The following SOX5 variants were observed in gnomAD, a reference collection of about 807,000 sequenced individuals.
SOX5 encodes the protein SRY-box transcription factor 5.
SOX5 carries 9 observed loss-of-function variants against 92.0 expected under a neutral mutation model. The ratio of observed to expected loss-of-function variants is 0.10; its 90% CI spans 0.06 to 0.17. The LOEUF (loss-of-function observed/expected upper bound fraction) is 0.17. Among genes scored for constraint, SOX5 ranks in the 10% least tolerant of loss-of-function variants. The probability of loss-of-function intolerance (pLI) is 1.00; values close to 1 mark genes in which losing one functional copy is unlikely to be tolerated. For synonymous variants in SOX5, 344 were observed against 336.3 expected (o/e 1.02, Z -0.25); for missense variants, 642 against 944.5 (o/e 0.68, Z 4.20).
intron 4 of SOX5, among the ~76,000 whole-genome samples, chr12:24,201,179 A>C (rs1957479873): frequency 6.6e-6 from 1 of 152,154 alleles, no homozygotes; most frequent in Non-Finnish European, 1.5e-5. Flanking sequence ...TTTCATACTG[A>C]TGCTTCTTAT....
intron 6 of SOX5, among the ~76,000 whole-genome samples, chr12:23,733,501 G>A (rs938570248): frequency 6.6e-6 from 1 of 152,068 alleles, no homozygotes; most frequent in African/African-American, 2.4e-5. Context: ...GAGGGGAAAT[G>A]TCCTCGGCTG....
Position 24,558,047 on chromosome 12 carries a change from T to C in SOX5, c.-251+4282A>G, listed in dbSNP as rs114429253. The stretch of plus-strand genomic sequence containing the variant: ...AAAAAGTCCTCATGCATGTAAATAT[T>C]TCCTCCTGGCAGCTTTCCTTGATAC... On this transcript the variant is annotated intron_variant, in intron 1 of 4. Coordinates refer to the SOX5 transcript ENST00000446891. Among the ~76,000 whole-genome samples, 1,502 of 152,328 alleles carry C rather than the reference T, an allele frequency of 9.9e-3. 21 individuals are homozygous for C. The highest frequency in any genetic ancestry group is 0.048 in the Middle Eastern group (14 of 294).
chr12:23,549,994 G>A (rs566292613), intron 11 of SOX5, among the ~76,000 whole-genome samples: 4 of 152,068 alleles, frequency 2.6e-5, no homozygotes, highest in East Asian at 1.9e-4. Flanking sequence ...TATTATTAAC[G>A]TATTAGTATT....
chr12:24,463,543 A>G (rs1943881114), intron 1 of SOX5, among the ~76,000 whole-genome samples: 1 of 152,222 alleles, frequency 6.6e-6, no homozygotes, highest in African/African-American at 2.4e-5. Context: ...TTATCTAACT[A>G]ATAAACCTGT....
In SOX5 at chr12:23,664,713, C is replaced by T. The variant is rs2083538488; in HGVS notation, c.931+731G>A. Among the ~76,000 whole-genome samples the T allele has an allele frequency of 2.6e-5, 4 of 152,228 alleles. No homozygotes were observed. The South Asian group carries it at 8.3e-4, about 32-fold the overall frequency. ...TATAAACAGTTATCCTAGTATATCACGTAGCTCCAAAAATGTCTTCTATAT... is the reference window on the plus strand; with the variant it reads ...TATAAACAGTTATCCTAGTATATCATGTAGCTCCAAAAATGTCTTCTATAT... On this transcript the variant is annotated intron_variant, in intron 7 of 14. Coordinates refer to ENST00000451604, the MANE Select transcript of SOX5 (RefSeq NM_006940.6).
At chr12:23,943,765 G>A (rs1944080312) in intron 1 of SOX5, among the ~76,000 whole-genome samples, 1 of 152,058 alleles carries the variant, frequency 6.6e-6, no homozygotes, top group African/African-American at 2.4e-5. Context: ...GTTTGACACT[G>A]ATTTCAAATG....
intron 4 of SOX5, among the ~76,000 whole-genome samples, chr12:24,065,986 C>T (rs1205764375): frequency 1.3e-5 from 2 of 152,066 alleles, no homozygotes; most frequent in Non-Finnish European, 2.9e-5. Flanking sequence ...GCTTGTTCAT[C>T]TATTGTACTC....
intron 3 of SOX5, among the ~76,000 whole-genome samples, chr12:24,257,897 A>G (rs1941470697): frequency 6.6e-6 from 1 of 151,978 alleles, no homozygotes; most frequent in African/African-American, 2.4e-5. Flanking sequence ...TATTCTGGTC[A>G]GGCGCCATGG....
chr12:23,904,991 A>T (rs1449983258), intron 1 of SOX5, among the ~76,000 whole-genome samples: 1 of 152,204 alleles, frequency 6.6e-6, no homozygotes, highest in Non-Finnish European at 1.5e-5. Flanking sequence ...GAAATGGTAT[A>T]AAATGAAAAA....
chr12:24,095,801 T>C (rs1399454648), intron 4 of SOX5, among the ~76,000 whole-genome samples: 1 of 151,984 alleles, frequency 6.6e-6, no homozygotes, highest in Non-Finnish European at 1.5e-5. Flanking sequence ...TATAAGGGGC[T>C]CTCCCTCCTT....
chr12:24,356,653 G>T (rs534831), intron 2 of SOX5, among the ~76,000 whole-genome samples: 2 of 151,920 alleles, frequency 1.3e-5, no homozygotes, highest in Non-Finnish European at 2.9e-5. Context: ...AGGCCTCTCA[G>T]TCTCAGCGCA....
intron 4 of SOX5, among the ~76,000 whole-genome samples, chr12:23,975,905 A>C (rs1254428915): frequency 1.3e-5 from 2 of 152,188 alleles, no homozygotes; most frequent in Non-Finnish European, 2.9e-5. Context: ...CTTATAGATA[A>C]AATTCTGATG....
chr12:24,116,263 CTG>C lies in SOX5; in HGVS notation c.-2+97078_-2+97079del, dbSNP rs1194973009. Among the ~76,000 whole-genome samples, 6 of 152,156 alleles carry C rather than the reference CTG, an allele frequency of 3.9e-5. No individual in the cohort carries two copies. The South Asian group carries it at 8.3e-4, about 21-fold the overall frequency. ...TGGCAGTCTGGTGAAGCCTTTGAAACTGTTCTCAAAATAATATTTTAAGTGCA... is the reference window on the plus strand; with the variant it reads ...TGGCAGTCTGGTGAAGCCTTTGAAACTTCTCAAAATAATATTTTAAGTGCA... On this transcript the variant is annotated intron_variant, in intron 4 of 4. Transcript: ENST00000446891.
At chr12:23,847,764 T>C (rs778999564) in intron 2 of SOX5, among the ~76,000 whole-genome samples, 10 of 152,158 alleles carry the variant, frequency 6.6e-5, no homozygotes, top group Non-Finnish European at 1.5e-4. Flanking sequence ...AATATGCCTC[T>C]GACTAGCACT....
chr12:24,072,636 A>G (rs748938866), intron 4 of SOX5, among the ~76,000 whole-genome samples: 1 of 152,212 alleles, frequency 6.6e-6, no homozygotes, highest in Non-Finnish European at 1.5e-5. Context: ...ACTTACTTCC[A>G]GTCCATGGTT....
At chr12:24,165,650 C>A (rs553084673) in intron 4 of SOX5, among the ~76,000 whole-genome samples, 122 of 152,012 alleles carry the variant, frequency 8.0e-4, no homozygotes, top group Non-Finnish European at 1.5e-3. Flanking sequence ...CATCAAAGGA[C>A]AGGACTGAGA....
intron 3 of SOX5, among the ~76,000 whole-genome samples, chr12:23,763,806 C>G (rs1191064163): frequency 1.3e-5 from 2 of 152,012 alleles, no homozygotes; most frequent in Non-Finnish European, 2.9e-5. Context: ...GGTCATTCAA[C>G]CAATGGTAAT....
intron 1 of SOX5, among the ~76,000 whole-genome samples, chr12:24,437,188 G>T (rs1250656253): frequency 6.6e-6 from 1 of 150,832 alleles, no homozygotes; most frequent in Non-Finnish European, 1.5e-5. Flanking sequence ...AAGTCTCAAT[G>T]TAAGAAATAT....
intron 8 of SOX5, among the ~76,000 whole-genome samples, chr12:23,626,203 A>T (rs1408862503): frequency 1.3e-5 from 2 of 152,164 alleles, no homozygotes; most frequent in Non-Finnish European, 2.9e-5. Flanking sequence ...TAGAAGCCCT[A>T]AGGACCAAAA....
Sources: gnomAD v4.1 joint callset for allele counts (sites outside exome capture counted in the v4.1 genomes callset) on GRCh38, gnomAD v4.1.1 for gene constraint, MANE v1.5 for transcripts, NCBI Gene and HGNC (gene_info 2026-07-23, HGNC 2026-07-21) for gene names.